Variants in PLSCR2 observed in about 807,000 individuals in gnomAD.
PLSCR2 encodes PL scramblase 2.
Under a neutral mutation model 25.3 loss-of-function variants are expected in PLSCR2, and 18 were observed. The observed-to-expected ratio is 0.71, with a 90% CI of 0.49 to 1.06. PLSCR2 has a LOEUF of 1.06. Among genes scored for constraint, PLSCR2 ranks in the 50% least tolerant of loss-of-function variants. The pLI, the probability that PLSCR2 is intolerant of heterozygous loss-of-function variation, is 0.00. For synonymous variants in PLSCR2, 88 were observed against 87.3 expected (o/e 1.01, Z -0.04); for missense variants, 243 against 269.5 (o/e 0.90, Z 0.69).
chr3:146,455,203 C>T (rs1158036136), intron 4 of PLSCR2, 36 bp downstream of exon 4: 7 of 1,374,934 alleles, frequency 5.1e-6, no homozygotes, highest in Non-Finnish European at 7.3e-6. Flanking sequence ...CCTTGCTGAA[C>T]TACTTTATGA....
chr3:146,444,637 G>A (rs1589674), intron 6 of PLSCR2, among the ~76,000 whole-genome samples: 39,106 of 151,488 alleles, frequency 0.26, 5,361 homozygotes, highest in South Asian at 0.44. Flanking sequence ...CAGTCTATGC[G>A]TGTCTTTAGA....
chr3:146,480,209 T>C (rs569459015), intron 1 of PLSCR2, among the ~76,000 whole-genome samples: 29 of 152,054 alleles, frequency 1.9e-4, no homozygotes, highest in African/African-American at 7.0e-4. Context: ...ATTCAAAAGC[T>C]AGCAGAAGGC....
intron 2 of PLSCR2, among the ~76,000 whole-genome samples, chr3:146,411,449 C>G (rs6440433): frequency 0.84 from 127,768 of 152,218 alleles, 53,718 homozygotes; most frequent in South Asian, 0.91. Flanking sequence ...GCACCCACAC[C>G]GTAGTCAATC....
chr3:146,411,075 AGT>A (rs2038832011), intron 2 of PLSCR2, among the ~76,000 whole-genome samples: 1 of 151,818 alleles, frequency 6.6e-6, no homozygotes, highest in Non-Finnish European at 1.5e-5. Flanking sequence ...AATTTATAAC[AGT>A]TTTTTTTTTC....
In PLSCR2 at chr3:146,397,171, A is replaced by G. The variant is rs117707162; in HGVS notation, c.101-1250T>C. ...TCAAAGGGATAACGACATATTTTTCAGAAAAATACCTCCCCTTCCACCCTG... is the reference window on the plus strand; with the variant it reads ...TCAAAGGGATAACGACATATTTTTCGGAAAAATACCTCCCCTTCCACCCTG... On this transcript the variant is annotated intron_variant and NMD_transcript_variant, in intron 2 of 3. Transcript: ENST00000463633. 9.0e-4 allele frequency among the ~76,000 whole-genome samples: 137 copies of G among 152,252 alleles called. 4 individuals carry two copies. The East Asian group carries it at 0.025, about 27-fold the overall frequency.
rs1320608991 is a variant in PLSCR2 at position 146,406,503 on chromosome 3, G to A, written c.101-10582C>T. Reference sequence around the variant, plus strand: ...GGTACTGGCCTTCTAAGTGGTGTTTGTAAATACATGTCCTGTTGTGAAAGA... The same window carrying A: ...GGTACTGGCCTTCTAAGTGGTGTTTATAAATACATGTCCTGTTGTGAAAGA... On this transcript the variant is annotated intron_variant and NMD_transcript_variant, in intron 2 of 3. Coordinates refer to the PLSCR2 transcript ENST00000463633. Among the ~76,000 whole-genome samples the A allele has an allele frequency of 2.0e-5, 3 of 152,168 alleles. No homozygotes were observed. The East Asian group carries it at 5.8e-4, about 29-fold the overall frequency.
intron 1 of PLSCR2, among the ~76,000 whole-genome samples, chr3:146,474,550 C>T (rs1216609600): frequency 4.6e-5 from 7 of 152,128 alleles, no homozygotes; most frequent in African/African-American, 1.4e-4. Context: ...GCTGTTCTCT[C>T]TGGTTGCCCT....
chr3:146,483,511 T>TATATATATACAC (rs2043234450), intron 1 of PLSCR2, among the ~76,000 whole-genome samples: 1 of 58,304 alleles, frequency 1.7e-5, no homozygotes, highest in Non-Finnish European at 3.7e-5. Context: ...ATATATATAA[T>TATATATATACAC]GTTACTACTG....
At chr3:146,441,683 A>G (rs2040252818), downstream of PLSCR2, 3 of 724,800 alleles carry the variant, frequency 4.1e-6, no homozygotes, top group Non-Finnish European at 7.0e-6. Context: ...TAAATAAAGA[A>G]AAGAAAAAAA....
At chr3:146,452,737 T>A (rs1436227493) in intron 5 of PLSCR2, among the ~76,000 whole-genome samples, 1 of 152,086 alleles carries the variant, frequency 6.6e-6, no homozygotes, top group Non-Finnish European at 1.5e-5. Flanking sequence ...TAGGAATAAA[T>A]TATATTCCAA....
intron 2 of PLSCR2, among the ~76,000 whole-genome samples, chr3:146,419,831 C>T (rs954048565): frequency 3.9e-5 from 6 of 151,974 alleles, no homozygotes; most frequent in African/African-American, 1.4e-4. Flanking sequence ...ATCGAGGCCT[C>T]ATAGACAATA....
intron 1 of PLSCR2, among the ~76,000 whole-genome samples, chr3:146,474,981 G>T (rs1455363194): frequency 6.6e-6 from 1 of 151,694 alleles, no homozygotes; most frequent in Non-Finnish European, 1.5e-5. Flanking sequence ...GTGTTTTTCA[G>T]CTCCATCAGG....
At chr3:146,413,863 T>C (rs1299746397) in intron 2 of PLSCR2, among the ~76,000 whole-genome samples, 1 of 152,228 alleles carries the variant, frequency 6.6e-6, no homozygotes, top group African/African-American at 2.4e-5. Flanking sequence ...ATGACCCAGT[T>C]CCAAAGCTGC....
At chr3:146,472,341 T>C (rs1378956940) in intron 1 of PLSCR2, among the ~76,000 whole-genome samples, 1 of 152,152 alleles carries the variant, frequency 6.6e-6, no homozygotes, top group East Asian at 1.9e-4. Flanking sequence ...TTCAAAGAGG[T>C]ATTAAAATTG....
At chr3:146,397,131 T>C (rs1258259955) in intron 2 of PLSCR2, among the ~76,000 whole-genome samples, 2 of 152,090 alleles carry the variant, frequency 1.3e-5, no homozygotes, top group Non-Finnish European at 2.9e-5. Context: ...CTCATTTGGC[T>C]CTGTTCTTTT....
Position 146,399,537 on chromosome 3 carries a change from A to G in PLSCR2, c.101-3616T>C, listed in dbSNP as rs548563331. On this transcript the variant is annotated intron_variant and NMD_transcript_variant, in intron 2 of 3. Coordinates refer to the PLSCR2 transcript ENST00000463633. ...CAAAATAACTGGGAGAATACATAAG[A>G]AACTTGTAATAGTAGTTGTATCTAA... Among the ~76,000 whole-genome samples the G allele has an allele frequency of 7.9e-5, 12 of 151,970 alleles. No homozygotes were observed. In the South Asian group the frequency reaches 1.2e-3, roughly 16 times the overall value.
chr3:146,458,309 T>A (rs2041339260), intron 3 of PLSCR2, 102 bp downstream of exon 3: 2 of 995,862 alleles, frequency 2.0e-6, no homozygotes, highest in South Asian at 1.8e-5. Context: ...AGTTTTACCA[T>A]CCCACATCAC....
At chr3:146,421,956 T>A (rs2039167299) in intron 2 of PLSCR2, among the ~76,000 whole-genome samples, 1 of 152,138 alleles carries the variant, frequency 6.6e-6, no homozygotes, top group African/African-American at 2.4e-5. Context: ...CATGTATTTA[T>A]CTTATTTGCC....
intron 1 of PLSCR2, among the ~76,000 whole-genome samples, chr3:146,494,116 C>T (rs572894154): frequency 6.6e-6 from 1 of 152,112 alleles, no homozygotes; most frequent in African/African-American, 2.4e-5. Flanking sequence ...AGATTGAGGT[C>T]ATTGGTTAAT....
Sources: allele counts gnomAD v4.1 joint callset (sites outside exome capture counted in the v4.1 genomes callset), GRCh38; gene constraint gnomAD v4.1.1; transcripts MANE v1.5; gene names NCBI Gene and HGNC (gene_info 2026-07-23, HGNC 2026-07-21).